WTIP: variants seen among roughly 807,000 people sequenced by gnomAD.
WTIP encodes the protein WT1 interacting protein.
WTIP carries 23 observed loss-of-function variants against 41.7 expected under a neutral mutation model. The ratio of observed to expected loss-of-function variants is 0.55; its 90% confidence interval spans 0.40 to 0.78. The LOEUF (loss-of-function observed/expected upper bound fraction) is 0.78. Ranked by LOEUF, WTIP falls within the 30% of genes least tolerant of loss-of-function variation. The probability of loss-of-function intolerance (pLI) is 0.00; values close to 1 mark genes in which losing one functional copy is unlikely to be tolerated. For synonymous variants in WTIP, 314 were observed against 269.9 expected (o/e 1.16, Z -1.60); for missense variants, 619 against 610.5 (o/e 1.01, Z -0.15).
rs2075902599 is a variant in WTIP at position 34,504,409 on chromosome 19, G to A, written c.*4140G>A. The A allele has an allele frequency of 6.6e-6, 1 of 152,294 alleles. No individual in the cohort carries two copies. Among genetic ancestry groups the A allele is most frequent in the Middle Eastern group, 3.1e-3 (1 of 320 alleles). The allele number at this position is 152,294 out of a possible 1,614,324, so 9.4% of individuals were successfully genotyped here. A position where few individuals can be genotyped will look rare whatever the true frequency, so the allele number is the denominator to read the frequency against. The stretch of plus-strand genomic sequence containing the variant: ...GGTGTAATTGTGTGTTTGTTTGTGT[G>A]TGTGTGTGTGTGTCTGTGTGTGTGT... On this transcript the variant is annotated 3_prime_UTR_variant, in exon 8 of 8. Coordinates refer to ENST00000590071, the MANE Select transcript of WTIP (RefSeq NM_001080436.2).
At position 34,493,694 on chromosome 19, in the gene WTIP, C is replaced by G; in HGVS notation, c.1031+72C>G. 3 of 1,594,388 alleles carry G rather than the reference C, an allele frequency of 1.9e-6. No homozygotes were observed. The highest frequency in any genetic ancestry group is 1.7e-4 in the Middle Eastern group (1 of 5,998). ...CTGGCTCCTCTGGAAGCATTTTTTT[C>G]CTGCTGGACTGACTGCCCTTTGTTC... On this transcript the variant is annotated intron_variant, in intron 5 of 7. Transcript: ENST00000590071. This position sits in a 1 kb window ranked among gnomAD's most constrained non-coding sequence, Gnocchi z 4.1.
At chr19:34,482,998 T>TC (rs2075777547) in intron 1 of WTIP, among the ~76,000 whole-genome samples, 1 of 136,952 alleles carries the variant, frequency 7.3e-6, no homozygotes, top group South Asian at 2.3e-4. Context: ...TTTTTTTTTT[T>TC]CTTTCTTCTT....
At chr19:34,489,479 A>G (rs1377854718) in intron 1 of WTIP, among the ~76,000 whole-genome samples, 1 of 152,160 alleles carries the variant, frequency 6.6e-6, no homozygotes, top group Non-Finnish European at 1.5e-5. Flanking sequence ...GAGTGGCTGC[A>G]GAGGGGTGGT....
At chr19:34,499,316 C>T (rs973983526) in intron 7 of WTIP, among the ~76,000 whole-genome samples, 2 of 151,904 alleles carry the variant, frequency 1.3e-5, no homozygotes, top group Non-Finnish European at 2.9e-5. Context: ...TCTAGACCAG[C>T]CTGAGCAACA....
At chr19:34,497,733 C>T (rs368357008) in intron 7 of WTIP, among the ~76,000 whole-genome samples, 2 of 152,100 alleles carry the variant, frequency 1.3e-5, no homozygotes, top group South Asian at 2.1e-4. Context: ...TGGGTGCAGG[C>T]GAGTGGCCCC....
intron 7 of WTIP, 130 bp from the exon 8 acceptor site, chr19:34,499,999 C>A: frequency 1.5e-6 from 2 of 1,342,092 alleles, no homozygotes; most frequent in Admixed American, 2.5e-5. Context: ...CTGCGCCCGG[C>A]GGAAGAGTCT....
At chr19:34,492,929 C>T in intron 2 of WTIP, 108 bp from the exon 3 acceptor site, 10 of 1,063,152 alleles carry the variant, frequency 9.4e-6, no homozygotes, top group South Asian at 5.3e-5. Context: ...GAAAACCACC[C>T]ATAACCCAGT....
intron 6 of WTIP, among the ~76,000 whole-genome samples, 172 bp downstream of exon 6, chr19:34,494,809 G>T (rs549418706): frequency 1.3e-5 from 2 of 152,330 alleles, no homozygotes; most frequent in South Asian, 4.1e-4. Flanking sequence ...GTGGGGTACA[G>T]CTGTCCCCTG....
At position 34,492,403 on chromosome 19, in the gene WTIP, T is replaced by C. The variant is rs540205685; in HGVS notation, c.770-634T>C. Among the ~76,000 whole-genome samples the C allele has an allele frequency of 2.8e-4, 19 of 67,380 alleles. No individual in the cohort carries two copies. In the East Asian group the frequency reaches 4.1e-3, roughly 14 times the overall value. The allele number at this position is 67,380 out of a possible 152,430, so 44.2% of individuals were successfully genotyped here. ...AGGCTGGGAGGCTGAGGCAGGAGGA[T>C]CACTTGAGCTTGGGAGGTTGAGGCT... On this transcript the variant is annotated intron_variant, in intron 2 of 7. Coordinates refer to ENST00000590071, the MANE Select transcript of WTIP (RefSeq NM_001080436.2).
intron 1 of WTIP, among the ~76,000 whole-genome samples, chr19:34,483,117 G>T (rs1474370334): frequency 2.8e-5 from 4 of 145,266 alleles, no homozygotes. Context: ...CGATCCTCTC[G>T]CCTCAGCCTC....
Position 34,482,569 on chromosome 19 carries a change from G to T in WTIP, c.595G>T (p.Glu199Ter). 1 of 1,230,882 alleles carries T rather than the reference G, an allele frequency of 8.1e-7. No individual in the cohort carries two copies. Among genetic ancestry groups the T allele is most frequent in the South Asian group, 4.1e-5 (1 of 24,670 alleles). The allele number at this position is 1,230,882 out of a possible 1,614,324, so 76.2% of individuals were successfully genotyped here. Residue 199 changes from glutamate (E) to a stop codon, truncating the protein, a stop_gained, in exon 1 of 8, where the codon GAG becomes TAG. Coordinates refer to ENST00000590071, the MANE Select transcript of WTIP (RefSeq NM_001080436.2). LOFTEE classifies it high-confidence loss of function. Reference protein sequence around the residue: ...PGREGGPSAAERRLEALTREL... With the variant: ...PGREGGPSAA ...CCGGGAGGGCGGCCCAAGCGCGGCCGAGCGGCGGCTGGAGGCGCTCACCCG... is the reference window on the plus strand; with the variant it reads ...CCGGGAGGGCGGCCCAAGCGCGGCCTAGCGGCGGCTGGAGGCGCTCACCCG...
At position 34,500,472 on chromosome 19, in the gene WTIP, TC is replaced by T; in HGVS notation, c.*206del. 1.4e-6 allele frequency: 1 copy of T among 690,248 alleles called. No homozygotes were observed. Among genetic ancestry groups the T allele is most frequent in the Non-Finnish European group, 2.2e-6 (1 of 447,754 alleles). 42.8% of individuals were successfully genotyped at this position (690,248 alleles called of 1,614,324 possible). Reference sequence around the variant, plus strand: ...AAGTCACTTCCCTGCGGGCCCTGCCTCCCACCCACCCCATCACCAGCTTTCC... The same window carrying T: ...AAGTCACTTCCCTGCGGGCCCTGCCTCCACCCACCCCATCACCAGCTTTCC... On this transcript the variant is annotated 3_prime_UTR_variant, in exon 8 of 8. Transcript: ENST00000590071.
intron 6 of WTIP, among the ~76,000 whole-genome samples, chr19:34,494,904 C>T (rs982532901): frequency 2.0e-5 from 3 of 152,218 alleles, no homozygotes; most frequent in Non-Finnish European, 2.9e-5. Flanking sequence ...ATGGAAGGGC[C>T]GTTCCCTGGG....
At chr19:34,489,833 C>T (rs1276202414) in intron 1 of WTIP, among the ~76,000 whole-genome samples, 1 of 152,166 alleles carries the variant, frequency 6.6e-6, no homozygotes, top group Non-Finnish European at 1.5e-5. Flanking sequence ...ACTTGGGAGG[C>T]TGAGGCTGGA....
intron 7 of WTIP, among the ~76,000 whole-genome samples, chr19:34,498,301 C>T (rs1282565700): frequency 7.2e-6 from 1 of 138,386 alleles, no homozygotes; most frequent in Non-Finnish European, 1.5e-5. Flanking sequence ...CTTCAGACCA[C>T]CCGGGGGTGG....
At chr19:34,500,100 CTG>C (rs1568403186) in intron 7 of WTIP, 27 bp from the exon 8 acceptor site, 11 of 1,596,272 alleles carry the variant, frequency 6.9e-6, no homozygotes, top group East Asian at 4.5e-5. Context: ...TCTGCTGACT[CTG>C]GGGCTGGGGG....
rs576293242 is a variant in WTIP at position 34,510,105 on chromosome 19, A to C, written c.*9836A>C. 6.6e-6 allele frequency: 1 copy of C among 152,304 alleles called. No homozygotes were observed. The highest frequency in any genetic ancestry group is 1.9e-4 in the East Asian group (1 of 5,170). The allele number at this position is 152,304 out of a possible 1,614,324, so 9.4% of individuals were successfully genotyped here. ...TGGAGGATGGTGGCCTTCTTCTTAC[A>C]GCTCTACTAGGCAGTACCCCAGTAG... On this transcript the variant is annotated 3_prime_UTR_variant, in exon 8 of 8. Transcript: ENST00000590071.
In WTIP at chr19:34,511,700, A is replaced by G. The variant is rs2075933777; in HGVS notation, c.*11431A>G. On this transcript the variant is annotated 3_prime_UTR_variant, in exon 8 of 8. Transcript: ENST00000590071. Reference sequence around the variant, plus strand: ...CCCTAGGTATTGCCAATAAGAAAACAAAGTCTGTATCAATTTGATGAAAAT... The same window carrying G: ...CCCTAGGTATTGCCAATAAGAAAACGAAGTCTGTATCAATTTGATGAAAAT... 6.6e-6 allele frequency: 1 copy of G among 152,184 alleles called. No individual in the cohort carries two copies. Among genetic ancestry groups the G allele is most frequent in the Admixed American group, 6.6e-5 (1 of 15,266 alleles). 9.4% of individuals were successfully genotyped at this position (152,184 alleles called of 1,614,324 possible).
At chr19:34,485,305 G>A (rs1015612308) in intron 1 of WTIP, among the ~76,000 whole-genome samples, 5 of 152,006 alleles carry the variant, frequency 3.3e-5, no homozygotes, top group South Asian at 2.1e-4. Context: ...CTTGTCTCGA[G>A]TTTCTGACCT....
Sources: gnomAD v4.1 joint callset for allele counts (sites outside exome capture counted in the v4.1 genomes callset) on GRCh38, gnomAD v4.1.1 for gene constraint, Gnocchi (gnomAD v3.1) non-coding constraint, MANE v1.5 for transcripts, NCBI Gene and HGNC (gene_info 2026-07-23, HGNC 2026-07-21) for gene names.